The following CDH9 variants were observed in gnomAD, a reference collection of about 807,000 sequenced individuals.
CDH9 encodes the protein cadherin 9, also known as cadherin-9.
Under a neutral mutation model 70.9 loss-of-function variants are expected in CDH9, and 28 were observed. The observed-to-expected ratio is 0.40, with a 90% confidence interval of 0.29 to 0.54. The LOEUF (loss-of-function observed/expected upper bound fraction) is 0.54, where lower values mean the gene tolerates loss of function less well. CDH9 is among the 20% of genes least tolerant of loss of function. CDH9 has a pLI of 0.59. For missense variants in CDH9, 874 were observed against 984.4 expected, an observed-to-expected ratio of 0.89 and a Z score of 1.50; for synonymous variants, 409 against 343.1, an observed-to-expected ratio of 1.19 and a Z score of -2.12.
At chr5:26,957,105 A>T (rs1038500429) in intron 2 of CDH9, among the ~76,000 whole-genome samples, 23 of 151,204 alleles carry the variant, frequency 1.5e-4, no homozygotes, top group African/African-American at 5.1e-4. Flanking sequence ...TTAATAGAAT[A>T]TTATGATAGA....
At chr5:26,973,025 G>A (rs1347088736) in intron 2 of CDH9, among the ~76,000 whole-genome samples, 1 of 151,988 alleles carries the variant, frequency 6.6e-6, no homozygotes, top group African/African-American at 2.4e-5. Flanking sequence ...TACCACACTC[G>A]GCTAATTTTT....
intron 11 of CDH9, among the ~76,000 whole-genome samples, chr5:26,883,768 TTTTC>T (rs1740514154): frequency 8.1e-6 from 1 of 123,472 alleles, no homozygotes; most frequent in African/African-American, 2.7e-5. Flanking sequence ...AGATCCATTC[TTTTC>T]ATCAGGCTGA....
intron 3 of CDH9, among the ~76,000 whole-genome samples, chr5:26,909,339 C>A (rs1012351226): frequency 1.3e-5 from 2 of 152,010 alleles, no homozygotes; most frequent in Admixed American, 6.6e-5. Flanking sequence ...AGAGAATACA[C>A]ATGGATATTT....
chr5:27,004,753 T>C (rs545076483), intron 1 of CDH9, among the ~76,000 whole-genome samples: 10 of 152,136 alleles, frequency 6.6e-5, no homozygotes, highest in Non-Finnish European at 1.5e-4. Flanking sequence ...TCGATCAATA[T>C]GCCCTATTTA....
intron 1 of CDH9, among the ~76,000 whole-genome samples, chr5:26,993,979 C>T (rs562076303): frequency 1.3e-5 from 2 of 152,268 alleles, no homozygotes; most frequent in African/African-American, 2.4e-5. Flanking sequence ...GGCTTAAAAT[C>T]TCATGGAGTT....
At chr5:26,994,057 A>G (rs1391184513) in intron 1 of CDH9, among the ~76,000 whole-genome samples, 7 of 152,174 alleles carry the variant, frequency 4.6e-5, no homozygotes, top group Non-Finnish European at 8.8e-5. Context: ...CCTCCCTTTT[A>G]GAATAAGTAT....
At chr5:27,002,906 C>T (rs1168428882) in intron 1 of CDH9, among the ~76,000 whole-genome samples, 2 of 151,278 alleles carry the variant, frequency 1.3e-5, no homozygotes, top group Non-Finnish European at 2.9e-5. Context: ...TACCCTAGAA[C>T]TTAAAGTATA....
chr5:27,024,894 A>G (rs1743196264), intron 1 of CDH9, among the ~76,000 whole-genome samples: 1 of 152,096 alleles, frequency 6.6e-6, no homozygotes, highest in Admixed American at 6.6e-5. Flanking sequence ...AGTAGGAGAC[A>G]TAGAGTTAGC....
At chr5:26,947,898 C>T (rs1406466617) in intron 2 of CDH9, among the ~76,000 whole-genome samples, 1 of 152,142 alleles carries the variant, frequency 6.6e-6, no homozygotes, top group African/African-American at 2.4e-5. Context: ...CTCATGGGAT[C>T]TCCAAGATGT....
At chr5:27,001,878 A>C (rs1742777314) in intron 1 of CDH9, among the ~76,000 whole-genome samples, 1 of 130,432 alleles carries the variant, frequency 7.7e-6, no homozygotes, top group African/African-American at 4.0e-5. Flanking sequence ...TCTCTCTCTC[A>C]ACAAAACGCT....
At chr5:26,953,961 C>T (rs1291504972) in intron 2 of CDH9, among the ~76,000 whole-genome samples, 2 of 151,516 alleles carry the variant, frequency 1.3e-5, no homozygotes, top group African/African-American at 4.8e-5. Flanking sequence ...CACACACACA[C>T]ATAGATCAAA....
intron 2 of CDH9, among the ~76,000 whole-genome samples, chr5:26,953,885 G>C (rs1219790952): frequency 6.6e-6 from 1 of 152,010 alleles, no homozygotes; most frequent in African/African-American, 2.4e-5. Context: ...ATATGAATCA[G>C]TTTTTAGAAT....
chr5:26,918,668 G>C (rs1160179592), intron 2 of CDH9, among the ~76,000 whole-genome samples: 1 of 152,174 alleles, frequency 6.6e-6, no homozygotes, highest in African/African-American at 2.4e-5. Context: ...AAAGTCCTGA[G>C]TACAAAATAA....
chr5:27,024,080 T>G (rs1431550127), intron 1 of CDH9, among the ~76,000 whole-genome samples: 4 of 151,398 alleles, frequency 2.6e-5, no homozygotes, highest in African/African-American at 9.7e-5. Context: ...AAATAAATAA[T>G]AAAAATAAAC....
intron 2 of CDH9, among the ~76,000 whole-genome samples, chr5:26,919,407 G>C (rs893600145): frequency 3.9e-5 from 6 of 152,164 alleles, no homozygotes; most frequent in African/African-American, 1.4e-4. Context: ...GCCCATCCCA[G>C]TGGTCAGAAG....
intron 1 of CDH9, among the ~76,000 whole-genome samples, chr5:27,003,789 C>T (rs779454242): frequency 3.3e-5 from 5 of 151,720 alleles, no homozygotes; most frequent in Non-Finnish European, 5.9e-5. Context: ...AATGTGGTAT[C>T]CTGGATGGAA....
intron 1 of CDH9, among the ~76,000 whole-genome samples, chr5:27,022,685 G>A (rs914531931): frequency 3.3e-5 from 5 of 152,038 alleles, no homozygotes; most frequent in Non-Finnish European, 5.9e-5. Context: ...CAGGGTAAAC[G>A]AATACATTTC....
chr5:26,925,149 T>A (rs1273574662), intron 2 of CDH9, among the ~76,000 whole-genome samples: 1 of 152,120 alleles, frequency 6.6e-6, no homozygotes, highest in African/African-American at 2.4e-5. Flanking sequence ...AATGGTTGAA[T>A]TAATTTACAC....
intron 4 of CDH9, 139 bp from the exon 5 acceptor site, chr5:26,906,265 C>A: frequency 1.5e-6 from 1 of 668,612 alleles, no homozygotes; most frequent in Admixed American, 3.0e-5. Context: ...CAATCCATAA[C>A]CACTTTAAGA....
Sources: allele counts gnomAD v4.1 joint callset (sites outside exome capture counted in the v4.1 genomes callset), GRCh38; gene constraint gnomAD v4.1.1; transcripts MANE v1.5; gene names NCBI Gene and HGNC (gene_info 2026-07-23, HGNC 2026-07-21).